GRM8: variants seen among roughly 807,000 people sequenced by gnomAD.
GRM8 encodes the protein glutamate metabotropic receptor 8.
Under a neutral mutation model 87.2 loss-of-function variants are expected in GRM8, and 47 were observed. The ratio of observed to expected loss-of-function variants is 0.54; its 90% CI spans 0.43 to 0.69. The LOEUF (loss-of-function observed/expected upper bound fraction) is 0.69. GRM8 is among the 30% of genes least tolerant of loss of function. GRM8 has a pLI of 0.00. For missense variants in GRM8, 1,019 were observed against 1,139.2 expected, an observed-to-expected ratio of 0.89 and a Z score of 1.52; for synonymous variants, 396 against 404.5, an observed-to-expected ratio of 0.98 and a Z score of 0.25.
intron 6 of GRM8, among the ~76,000 whole-genome samples, chr7:126,859,864 TGCCCTTATA>T (rs1369976671): frequency 6.6e-6 from 1 of 152,170 alleles, no homozygotes; most frequent in Admixed American, 6.5e-5. Flanking sequence ...ACTTCCCCAC[TGCCCTTATA>T]GCTTGAAGAG....
chr7:127,123,132 T>G (rs1218871916), intron 2 of GRM8, among the ~76,000 whole-genome samples: 2 of 152,198 alleles, frequency 1.3e-5, no homozygotes, highest in Non-Finnish European at 2.9e-5. Context: ...CATTCTGGAC[T>G]GGCATAGCCT....
chr7:126,517,616 T>C (rs572601797), intron 9 of GRM8, among the ~76,000 whole-genome samples: 2 of 152,214 alleles, frequency 1.3e-5, no homozygotes, highest in East Asian at 1.9e-4. Context: ...TATCACACAT[T>C]GTGATCAGTT....
At chr7:126,814,966 C>T (rs1260199442) in intron 6 of GRM8, among the ~76,000 whole-genome samples, 1 of 152,078 alleles carries the variant, frequency 6.6e-6, no homozygotes, top group Non-Finnish European at 1.5e-5. Flanking sequence ...TTGCTGTTGT[C>T]TCTCTATACC....
chr7:126,861,783 A>G (rs1346114565), intron 6 of GRM8, among the ~76,000 whole-genome samples: 1 of 152,028 alleles, frequency 6.6e-6, no homozygotes, highest in Non-Finnish European at 1.5e-5. Flanking sequence ...TGGAGTTATA[A>G]GCCTGGAACC....
intron 6 of GRM8, among the ~76,000 whole-genome samples, chr7:126,813,869 G>A (rs1236399802): frequency 6.6e-6 from 1 of 152,078 alleles, no homozygotes; most frequent in East Asian, 1.9e-4. Flanking sequence ...TTTTATGGGA[G>A]CCATTGTAAA....
chr7:126,795,643 C>G (rs79111346), intron 6 of GRM8, among the ~76,000 whole-genome samples: 1,698 of 152,184 alleles, frequency 0.011, 35 homozygotes, highest in African/African-American at 0.038. Flanking sequence ...TGCCTTGAAG[C>G]GTTCACCTGG....
chr7:126,820,800 C>T (rs1426571419), intron 6 of GRM8, among the ~76,000 whole-genome samples: 1 of 152,180 alleles, frequency 6.6e-6, no homozygotes, highest in African/African-American at 2.4e-5. Flanking sequence ...CACTGCTTCA[C>T]AAAGAAATTA....
At chr7:126,629,432 A>C (rs1801029391) in intron 7 of GRM8, among the ~76,000 whole-genome samples, 1 of 152,110 alleles carries the variant, frequency 6.6e-6, no homozygotes, top group Admixed American at 6.6e-5. Context: ...TAAGTTTCAA[A>C]TTGTTCTTTT....
intron 2 of GRM8, among the ~76,000 whole-genome samples, chr7:127,126,562 A>G (rs1244673281): frequency 1.3e-5 from 2 of 151,946 alleles, no homozygotes; most frequent in African/African-American, 4.8e-5. Context: ...AAAAGCCAAG[A>G]CTTCACCACT....
At chr7:127,246,971 C>T (rs1798614025) in intron 1 of GRM8, among the ~76,000 whole-genome samples, 1 of 152,220 alleles carries the variant, frequency 6.6e-6, no homozygotes, top group Non-Finnish European at 1.5e-5. Flanking sequence ...AAGGTGGGTC[C>T]TGTCCTTGGA....
chr7:126,916,038 A>T (rs1472686555), intron 3 of GRM8, among the ~76,000 whole-genome samples: 1 of 152,218 alleles, frequency 6.6e-6, no homozygotes, highest in Non-Finnish European at 1.5e-5. Flanking sequence ...ATACAACAGG[A>T]AGATTTCAAA....
Position 126,533,810 on chromosome 7 carries a change from C to T in GRM8, c.1572G>A (p.Glu524=). ...GGACCCCTTTCACCGTTTTCTTCCT[C>T]TCCCCTGGCTTACACGGCAGGCTGC... ...SVCSLPCKPG[E]RKKTVKGVPC... Residue 524 remains glutamate (E), a synonymous_variant, in exon 9 of 11, where the codon GAG becomes GAA. Transcript: ENST00000339582. The T allele has an allele frequency of 1.2e-6, 2 of 1,614,116 alleles. No individual in the cohort carries two copies. The highest frequency in any genetic ancestry group is 8.5e-7 in the Non-Finnish European group (1 of 1,179,986).
At chr7:126,572,539 GT>G (rs149370884) in intron 8 of GRM8, among the ~76,000 whole-genome samples, 1,545 of 152,198 alleles carry the variant, frequency 0.01, 33 homozygotes, top group African/African-American at 0.035. Context: ...AAATAACAAA[GT>G]AATACCTTTA....
chr7:127,019,842 G>A (rs1181979165), intron 3 of GRM8, among the ~76,000 whole-genome samples: 1 of 152,016 alleles, frequency 6.6e-6, no homozygotes, highest in Non-Finnish European at 1.5e-5. Context: ...TATTTTGTGA[G>A]TATTAAATGA....
At chr7:126,664,418 G>A (rs1805541789) in intron 7 of GRM8, among the ~76,000 whole-genome samples, 3 of 152,034 alleles carry the variant, frequency 2.0e-5, no homozygotes, top group Middle Eastern at 3.2e-3. Context: ...AAAACAACAT[G>A]GTACTGGTAT....
intron 9 of GRM8, among the ~76,000 whole-genome samples, chr7:126,481,716 G>C (rs1013712541): frequency 6.6e-6 from 1 of 151,930 alleles, no homozygotes; most frequent in African/African-American, 2.4e-5. Flanking sequence ...AGATAACGTG[G>C]GATCCAGGGT....
chr7:126,711,937 C>A (rs561834258), intron 7 of GRM8, among the ~76,000 whole-genome samples: 1 of 152,360 alleles, frequency 6.6e-6, no homozygotes, highest in African/African-American at 2.4e-5. Context: ...ATCTTCTATA[C>A]AGATGAATCA....
intron 7 of GRM8, among the ~76,000 whole-genome samples, chr7:126,639,662 G>T (rs1395321352): frequency 6.6e-6 from 1 of 152,136 alleles, no homozygotes; most frequent in Non-Finnish European, 1.5e-5. Context: ...AAAGCAAAAA[G>T]TGAAATTACA....
chr7:126,643,910 C>A (rs1802750597), intron 7 of GRM8, among the ~76,000 whole-genome samples: 1 of 152,238 alleles, frequency 6.6e-6, no homozygotes, highest in African/African-American at 2.4e-5. Context: ...GTGCAGAATG[C>A]ACAGACTATA....
Sources: gnomAD v4.1 joint callset for allele counts (sites outside exome capture counted in the v4.1 genomes callset) on GRCh38, gnomAD v4.1.1 for gene constraint, MANE v1.5 for transcripts, NCBI Gene and HGNC (gene_info 2026-07-23, HGNC 2026-07-21) for gene names.